The following SGCB variants were observed in gnomAD, a reference collection of about 807,000 sequenced individuals.
SGCB encodes beta-sarcoglycan.
SGCB carries 25 observed loss-of-function variants against 27.3 expected under a neutral mutation model. The ratio of observed to expected loss-of-function variants is 0.92; its 90% CI spans 0.67 to 1.28. SGCB has a LOEUF of 1.28. Among genes scored for constraint, SGCB ranks in the 50% most tolerant of loss-of-function variants. The pLI, the probability that SGCB is intolerant of heterozygous loss-of-function variation, is 0.00. For synonymous variants in SGCB, 147 were observed against 133.5 expected, an observed-to-expected ratio of 1.10 and a Z score of -0.70; for missense variants, 436 against 402.1, an observed-to-expected ratio of 1.08 and a Z score of -0.72.
Position 52,029,673 on chromosome 4 carries a change from C to T in SGCB, c.429+5G>A, listed in dbSNP as rs794727477. Reference sequence around the variant, plus strand: ...GCATTTCTTTCAGTTAATGTGGCAACTTACAGGCTGGTTGTTGCCAGTGAT... The same window carrying T: ...GCATTTCTTTCAGTTAATGTGGCAATTTACAGGCTGGTTGTTGCCAGTGAT... On this transcript the variant is annotated splice_donor_5th_base_variant and intron_variant, in intron 3 of 5. Transcript: ENST00000381431. 4.4e-6 allele frequency: 7 copies of T among 1,606,830 alleles called. No individual in the cohort carries two copies. The highest frequency in any genetic ancestry group is 1.3e-5 in the African/African-American group (1 of 74,762).
chr4:52,028,518 C>T (rs1290068759), intron 4 of SGCB, among the ~76,000 whole-genome samples: 2 of 152,060 alleles, frequency 1.3e-5, no homozygotes, highest in Non-Finnish European at 2.9e-5. Context: ...CGCCTGTAGT[C>T]CCAGCTACAC....
chr4:52,030,925 T>C (rs1737229259), intron 2 of SGCB, among the ~76,000 whole-genome samples: 3 of 152,218 alleles, frequency 2.0e-5, no homozygotes, highest in South Asian at 4.1e-4. Flanking sequence ...AAGTATACAA[T>C]TCTAGATGGA....
In SGCB at chr4:52,028,109, TA is replaced by T. The variant is rs1186260423; in HGVS notation, c.622-11del. 4 of 1,603,674 alleles carry T rather than the reference TA, an allele frequency of 2.5e-6. No homozygotes were observed. Among genetic ancestry groups the T allele is most frequent in the Non-Finnish European group, 8.5e-7 (1 of 1,170,926 alleles). ...TAGCATTGCTGGTAATCTGAAAATT[TA>T]AAAAACAAGTACTAAAAAGAGTTTC... On this transcript the variant is annotated splice_polypyrimidine_tract_variant and intron_variant, in intron 4 of 5. Transcript: ENST00000381431.
intron 1 of SGCB, among the ~76,000 whole-genome samples, chr4:52,036,604 G>A (rs1737399910): frequency 6.6e-6 from 1 of 152,210 alleles, no homozygotes; most frequent in African/African-American, 2.4e-5. Context: ...GGTACTGACT[G>A]AGGTTTGACT....
chr4:52,023,961 T>C lies in SGCB; in HGVS notation c.953A>G (p.His318Arg). The change falls in exon 6 of 6, where the codon CAT (histidine) becomes CGT (arginine). Residue 318 changes from histidine to arginine, a missense_variant. By Grantham distance (29) the His-to-Arg change is conservative (BLOSUM62 0). Transcript: ENST00000381431. ...QISDNPCGNT[H>R] is the part of the protein sequence containing the mutation. ...TTGGTGACCTCTGGGGTTCTTTTAA[T>C]GAGTGTTTCCACAGGGGTTGTCTGA... is the stretch of plus-strand genomic sequence containing the variant. 1 of 1,613,960 alleles carries C rather than the reference T, an allele frequency of 6.2e-7. No individual in the cohort carries two copies. Among genetic ancestry groups the C allele is most frequent in the African/African-American group, 1.3e-5 (1 of 75,060 alleles).
intron 1 of SGCB, among the ~76,000 whole-genome samples, chr4:52,035,247 AG>A (rs1426276504): frequency 1.3e-5 from 2 of 152,270 alleles, no homozygotes; most frequent in African/African-American, 4.8e-5. Context: ...GGAATACAAA[AG>A]AACTATAGGA....
Position 52,028,815 on chromosome 4 carries a change from A to G in SGCB, c.536T>C (p.Leu179Ser). ...QFFDPRTQNILFSTDYETHEF... is the reference protein window; with the variant it reads ...QFFDPRTQNISFSTDYETHEF... ...ATGAGTTTCATAGTCTGTGCTGAAT[A>G]AGATATTTTGAGTCCTCGGGTCAAA... Residue 179 changes from leucine (L) to serine (S), a missense_variant, in exon 4 of 6, where the codon TTA becomes TCA. Leu to Ser is a moderately radical substitution (Grantham distance 145). Coordinates refer to ENST00000381431, the MANE Select transcript of SGCB (RefSeq NM_000232.5). The G allele has an allele frequency of 6.2e-7, 1 of 1,613,790 alleles. No individual in the cohort carries two copies. The highest frequency in any genetic ancestry group is 8.5e-7 in the Non-Finnish European group (1 of 1,179,722).
chr4:52,026,385 G>T (rs1371030063), intron 5 of SGCB, among the ~76,000 whole-genome samples: 3 of 150,422 alleles, frequency 2.0e-5, no homozygotes, highest in East Asian at 3.9e-4. Flanking sequence ...CAGCCTCCCG[G>T]GTAGCTGGGA....
chr4:52,024,255 G>T (rs1737029728), intron 5 of SGCB, 95 bp from the exon 6 acceptor site: 1 of 927,592 alleles, frequency 1.1e-6, no homozygotes, highest in Non-Finnish European at 1.7e-6. Flanking sequence ...AATGAGAAAA[G>T]CAAGCAGTAA....
At chr4:52,037,857 G>A (rs1206028160) in intron 1 of SGCB, among the ~76,000 whole-genome samples, 1 of 152,192 alleles carries the variant, frequency 6.6e-6, no homozygotes, top group Non-Finnish European at 1.5e-5. Flanking sequence ...CGCTGGGGCT[G>A]CGGTTATTTT....
Position 52,021,786 on chromosome 4 carries a change from A to G in SGCB, c.*2171T>C, listed in dbSNP as rs745583454. On this transcript the variant is annotated 3_prime_UTR_variant, in exon 6 of 6. Coordinates refer to ENST00000381431, the MANE Select transcript of SGCB (RefSeq NM_000232.5). ...CAGGGAAAAAGCCAGGACTACCTGT[A>G]AAGTATCATAAAATGCTATGGCTGT... 3.9e-5 allele frequency: 6 copies of G among 152,228 alleles called. No homozygotes were observed. The highest frequency in any genetic ancestry group is 7.4e-5 in the Non-Finnish European group (5 of 68,026). The allele number at this position is 152,228 out of a possible 1,614,324, so 9.4% of individuals were successfully genotyped here.
chr4:52,032,267 T>C (rs956904437), intron 2 of SGCB, among the ~76,000 whole-genome samples: 1 of 152,170 alleles, frequency 6.6e-6, no homozygotes, highest in Non-Finnish European at 1.5e-5. Flanking sequence ...GAACTTCTAA[T>C]TCCCAAGGCT....
chr4:52,034,256 C>T (rs193085049), intron 1 of SGCB, among the ~76,000 whole-genome samples: 498 of 34,794 alleles, frequency 0.014, 104 homozygotes, highest in Non-Finnish European at 0.041. Context: ...GGCGTGAACC[C>T]GGGAGGCGGA....
rs549523196 is a variant in SGCB at position 52,020,915 on chromosome 4, G to A, written c.*3042C>T. ...TCTTATTTGTCAGGTTTAGCACCAT[G>A]ACATTCTCATTCCCTTAAAAAAACA... On this transcript the variant is annotated 3_prime_UTR_variant, in exon 6 of 6. Transcript: ENST00000381431. 16 of 152,524 alleles carry A rather than the reference G, an allele frequency of 1.0e-4. No homozygotes were observed. Among genetic ancestry groups the A allele is most frequent in the Middle Eastern group, 3.4e-3 (1 of 294 alleles). The allele number at this position is 152,524 out of a possible 1,614,324, so 9.4% of individuals were successfully genotyped here.
At chr4:52,030,040 T>C (rs1028329584) in intron 2 of SGCB, among the ~76,000 whole-genome samples, 177 bp from the exon 3 acceptor site, 1 of 152,320 alleles carries the variant, frequency 6.6e-6, no homozygotes, top group Non-Finnish European at 1.5e-5. Flanking sequence ...TTTATTAAGG[T>C]ATTACATGCA....
chr4:52,029,184 G>C (rs1182281266), intron 3 of SGCB, among the ~76,000 whole-genome samples: 1 of 152,228 alleles, frequency 6.6e-6, no homozygotes, highest in Non-Finnish European at 1.5e-5. Context: ...CAAGGCCTAA[G>C]ATAGGCAGGG....
chr4:52,034,403 T>C (rs531770548), intron 1 of SGCB, among the ~76,000 whole-genome samples: 94 of 132,650 alleles, frequency 7.1e-4, no homozygotes, highest in African/African-American at 2.7e-3. Context: ...GTACAGAACA[T>C]GTACGACTTT....
At chr4:52,038,056 C>A (rs1333270169) in intron 1 of SGCB, among the ~76,000 whole-genome samples, 171 bp downstream of exon 1, 1 of 151,452 alleles carries the variant, frequency 6.6e-6, no homozygotes, top group African/African-American at 2.4e-5. Flanking sequence ...GTGCCAGCAT[C>A]CTCGGCGGGG....
intron 1 of SGCB, among the ~76,000 whole-genome samples, chr4:52,034,509 A>G (rs919846926): frequency 6.6e-6 from 1 of 151,956 alleles, no homozygotes; most frequent in African/African-American, 2.4e-5. Context: ...AGATGGATTT[A>G]AAGTATACAG....
Sources: gnomAD v4.1 joint callset for allele counts (sites outside exome capture counted in the v4.1 genomes callset) on GRCh38, gnomAD v4.1.1 for gene constraint, MANE v1.5 for transcripts, NCBI Gene and HGNC (gene_info 2026-07-23, HGNC 2026-07-21) for gene names.